The following DIAPH2 variants were observed in gnomAD, a reference collection of about 807,000 sequenced individuals.
The protein encoded by DIAPH2 is protein diaphanous homolog 2.
A neutral mutation model predicts 92.7 loss-of-function variants in DIAPH2; 35 were observed. That is an observed-to-expected ratio of 0.38 (90% confidence interval 0.29 to 0.50). The LOEUF is 0.50. Ranked by LOEUF, DIAPH2 falls within the 20% of genes least tolerant of loss-of-function variation. The pLI is 0.94. For missense variants in DIAPH2, 701 were observed against 819.5 expected (o/e 0.86, Z 1.77); for synonymous variants, 301 against 280.4 (o/e 1.07, Z -0.73).
chrX:96,880,377 G>A (rs1282923506), intron 4 of DIAPH2, among the ~76,000 whole-genome samples: 1 of 111,557 alleles, frequency 9.0e-6, no homozygotes, highest in East Asian at 2.8e-4. Context: ...TAAAAATTTA[G>A]CATCTAATGG....
At chrX:96,693,794 G>A (rs1054356158) in intron 1 of DIAPH2, among the ~76,000 whole-genome samples, 4 of 112,754 alleles carry the variant, frequency 3.5e-5, no homozygotes, top group African/African-American at 1.3e-4. Flanking sequence ...CAGGACTTTG[G>A]GAGGCTGAGG....
At chrX:97,345,989 A>C (rs1054671954) in intron 23 of DIAPH2, among the ~76,000 whole-genome samples, 5 of 111,861 alleles carry the variant, frequency 4.5e-5, no homozygotes, top group African/African-American at 9.7e-5. Context: ...TATAAGTATA[A>C]ATTTATATAT....
At chrX:97,587,018 A>G (rs958049045) in intron 26 of DIAPH2, among the ~76,000 whole-genome samples, 1 of 112,298 alleles carries the variant, frequency 8.9e-6, no homozygotes, top group African/African-American at 3.2e-5. Flanking sequence ...AAAATGCCAC[A>G]ATCACTACAT....
intron 2 of DIAPH2, among the ~76,000 whole-genome samples, 173 bp from the exon 3 acceptor site, chrX:96,738,413 A>G (rs1183562686): frequency 9.0e-6 from 1 of 111,569 alleles, no homozygotes; most frequent in Non-Finnish European, 1.9e-5. Flanking sequence ...GAGTACTTCA[A>G]GGTTTCAAAA....
chrX:97,524,461 C>G (rs768349021), intron 26 of DIAPH2, among the ~76,000 whole-genome samples: 2 of 112,196 alleles, frequency 1.8e-5, no homozygotes. Context: ...TTATATTTTA[C>G]TTAACAACAT....
At chrX:97,274,622 GTTTT>G (rs1227501576) in intron 23 of DIAPH2, among the ~76,000 whole-genome samples, 1 of 104,196 alleles carries the variant, frequency 9.6e-6, no homozygotes, top group Non-Finnish European at 2.0e-5. Flanking sequence ...TTCAGCACAA[GTTTT>G]TTTTTTGTTT....
Position 97,371,177 on chromosome X carries a change from T to C in DIAPH2, c.3010-12732T>C, listed in dbSNP as rs183691977. On this transcript the variant is annotated intron_variant, in intron 24 of 26. Transcript: ENST00000324765. Reference sequence around the variant, plus strand: ...AACACCCAGAAGAAAACCTAAACATTATTAAATGTAGGCAAATTAGTCTCT... The same window carrying C: ...AACACCCAGAAGAAAACCTAAACATCATTAAATGTAGGCAAATTAGTCTCT... Among the ~76,000 whole-genome samples the C allele has an allele frequency of 2.7e-5, 3 of 111,308 alleles. No individual in the cohort carries two copies. The Admixed American group carries it at 2.9e-4, about 11-fold the overall frequency.
At chrX:97,503,848 C>A (rs1051434761) in intron 26 of DIAPH2, among the ~76,000 whole-genome samples, 2 of 111,964 alleles carry the variant, frequency 1.8e-5, no homozygotes, top group African/African-American at 6.5e-5. Flanking sequence ...AAAAACAATT[C>A]TTTTTATGGG....
In DIAPH2 at chrX:97,573,489, C is replaced by T. The variant is rs369680326; in HGVS notation, c.3242-25764C>T. ...TAATAAAGATACTCTCAAGCATTTG[C>T]CACCTGGAAGCAATAATATGAGATG... is the stretch of plus-strand genomic sequence containing the variant. On this transcript the variant is annotated intron_variant, in intron 26 of 26. Coordinates refer to ENST00000324765, the MANE Select transcript of DIAPH2 (RefSeq NM_006729.5). 6.3e-5 allele frequency among the ~76,000 whole-genome samples: 7 copies of T among 110,691 alleles called. No homozygotes were observed. In the East Asian group the frequency reaches 1.7e-3, roughly 27 times the overall value.
At chrX:96,870,481 T>C (rs1484970739) in intron 4 of DIAPH2, among the ~76,000 whole-genome samples, 4 of 107,068 alleles carry the variant, frequency 3.7e-5, no homozygotes. Flanking sequence ...TTTCACCATA[T>C]TGGTCAGGAT....
intron 19 of DIAPH2, among the ~76,000 whole-genome samples, chrX:97,091,319 A>T (rs1254281821): frequency 9.1e-6 from 1 of 109,663 alleles, no homozygotes; most frequent in Admixed American, 9.7e-5. Flanking sequence ...GGTCTCACTC[A>T]GTTGCCTAGC....
chrX:96,763,413 TTGTA>T (rs1300125298), intron 4 of DIAPH2, among the ~76,000 whole-genome samples: 1 of 111,505 alleles, frequency 9.0e-6, no homozygotes, highest in East Asian at 2.8e-4. Context: ...TCTGATGAAA[TTGTA>T]TGTTTTACCT....
intron 22 of DIAPH2, among the ~76,000 whole-genome samples, chrX:97,196,279 G>A (rs2067703580): frequency 9.0e-6 from 1 of 110,999 alleles, no homozygotes; most frequent in South Asian, 3.8e-4. Flanking sequence ...TTGTATTGCA[G>A]TATATAGAGA....
intron 22 of DIAPH2, among the ~76,000 whole-genome samples, chrX:97,165,289 C>T (rs986264074): frequency 1.8e-5 from 2 of 111,144 alleles, no homozygotes; most frequent in African/African-American, 6.5e-5. Flanking sequence ...AGGTGGGGAC[C>T]TAAAGGCTGA....
At chrX:97,176,450 C>T (rs1042099058) in intron 22 of DIAPH2, among the ~76,000 whole-genome samples, 12 of 111,908 alleles carry the variant, frequency 1.1e-4, no homozygotes, top group Non-Finnish European at 2.3e-4. Context: ...TCTTGGTATC[C>T]GGCACTGTCA....
chrX:97,364,581 CA>C (rs1001062933), intron 24 of DIAPH2, among the ~76,000 whole-genome samples: 1 of 111,765 alleles, frequency 8.9e-6, no homozygotes, highest in Non-Finnish European at 1.9e-5. Context: ...GCCACGGAGA[CA>C]AAAGACAATT....
chrX:97,176,516 T>A (rs1430624810), intron 22 of DIAPH2, among the ~76,000 whole-genome samples: 1 of 109,128 alleles, frequency 9.2e-6, no homozygotes, highest in Middle Eastern at 4.2e-3. Flanking sequence ...TTTGTTTTGT[T>A]TTGTTTTGTT....
intron 24 of DIAPH2, among the ~76,000 whole-genome samples, chrX:97,374,597 T>C (rs984001117): frequency 1.8e-5 from 2 of 112,332 alleles, no homozygotes; most frequent in Non-Finnish European, 3.8e-5. Flanking sequence ...AGCAGTATTA[T>C]AGTGCTGATA....
At chrX:97,182,190 G>T (rs1225194886) in intron 22 of DIAPH2, among the ~76,000 whole-genome samples, 2 of 110,641 alleles carry the variant, frequency 1.8e-5, no homozygotes, top group Non-Finnish European at 3.8e-5. Flanking sequence ...GAAGAGAAGA[G>T]GTTGGAATTC....
Sources: gnomAD v4.1 joint callset for allele counts (sites outside exome capture counted in the v4.1 genomes callset) on GRCh38, gnomAD v4.1.1 for gene constraint, MANE v1.5 for transcripts, NCBI Gene and HGNC (gene_info 2026-07-23, HGNC 2026-07-21) for gene names.